The following HNRNPL variants were observed in gnomAD, a reference collection of about 807,000 sequenced individuals.
HNRNPL encodes epididymis secretory sperm binding protein.
Under a neutral mutation model 64.0 loss-of-function variants are expected in HNRNPL, and 12 were observed. The observed-to-expected ratio is 0.19, with a 90% CI of 0.12 to 0.30. HNRNPL has a LOEUF of 0.30. Among genes scored for constraint, HNRNPL ranks in the 10% least tolerant of loss-of-function variants. The pLI, the probability that HNRNPL is intolerant of heterozygous loss-of-function variation, is 1.00. For missense variants in HNRNPL, 484 were observed against 797.4 expected (o/e 0.61, Z 4.73); for synonymous variants, 385 against 313.0 (o/e 1.23, Z -2.43).
intron 6 of HNRNPL, chr19:38,841,771 T>C (rs928607686): frequency 3.8e-6 from 2 of 532,274 alleles, no homozygotes; most frequent in African/African-American, 2.0e-5. Flanking sequence ...AAGTCAATAT[T>C]TTGATTAAAT....
At chr19:38,842,740 GT>G (rs1018264311) in intron 6 of HNRNPL, among the ~76,000 whole-genome samples, 3 of 150,694 alleles carry the variant, frequency 2.0e-5, no homozygotes, top group Non-Finnish European at 3.0e-5. Flanking sequence ...ATCAGCCCTC[GT>G]TTTTTTTTGG....
At chr19:38,841,730 C>G (rs373407078) in intron 6 of HNRNPL, 35 of 786,830 alleles carry the variant, frequency 4.4e-5, no homozygotes, top group Middle Eastern at 2.7e-4. Context: ...CGGTACACAT[C>G]CGCTACAATT....
At chr19:38,850,883 A>G (rs189242564), upstream of HNRNPL, among the ~76,000 whole-genome samples, 6 of 152,292 alleles carry the variant, frequency 3.9e-5, no homozygotes, top group Admixed American at 6.5e-5. Flanking sequence ...CCCTTGGGAG[A>G]AGGCTCTTCC....
intron 12 of HNRNPL, chr19:38,837,162 C>T: frequency 1.7e-6 from 1 of 587,546 alleles, no homozygotes; most frequent in Non-Finnish European, 3.0e-6. Flanking sequence ...CAAGCCTGAG[C>T]AACTCCCAAG....
In HNRNPL at chr19:38,844,120, G is replaced by C. The variant is rs747855653; in HGVS notation, c.711-16C>G. The C allele has an allele frequency of 4.5e-6, 7 of 1,563,472 alleles. No individual in the cohort carries two copies. Among genetic ancestry groups the C allele is most frequent in the Non-Finnish European group, 6.2e-6 (7 of 1,133,854 alleles). ...TGAGTCAAATGTGAGTCAAGTTAAG[G>C]AAAGTCCCATCACAGGAGATCTTTG... On this transcript the variant is annotated splice_polypyrimidine_tract_variant and intron_variant, in intron 4 of 12. Coordinates refer to ENST00000221419, the MANE Select transcript of HNRNPL (RefSeq NM_001533.3).
intron 6 of HNRNPL, among the ~76,000 whole-genome samples, chr19:38,843,146 C>T (rs1429465975): frequency 1.3e-5 from 2 of 152,010 alleles, no homozygotes; most frequent in East Asian, 1.9e-4. Context: ...CCTGGTCCGA[C>T]GTATCAGACC....
Position 38,849,703 on chromosome 19 carries a change from A to ACCGCCG in HNRNPL, c.258_263dup (p.Gly88_Gly89dup). On this transcript the variant is annotated inframe_insertion, in exon 1 of 13. Coordinates refer to ENST00000221419, the MANE Select transcript of HNRNPL (RefSeq NM_001533.3). ...GCGCCTAGGGCCCTGGCCTCACCCC[A>ACCGCCG]CCGCCGCCGCCGCCCGCCGCCCCGG... The ACCGCCG allele has an allele frequency of 7.4e-7, 1 of 1,356,696 alleles. No homozygotes were observed. The highest frequency in any genetic ancestry group is 9.4e-7 in the Non-Finnish European group (1 of 1,064,656). 84.0% of individuals were successfully genotyped at this position (1,356,696 alleles called of 1,614,324 possible).
intron 1 of HNRNPL, chr19:38,847,770 G>A (rs1972350015): frequency 1.1e-5 from 2 of 173,942 alleles, no homozygotes; most frequent in Admixed American, 1.3e-4. Flanking sequence ...AAGGAAACAT[G>A]GGAAAAGAGT....
chr19:38,848,062 G>A (rs1362418693), intron 1 of HNRNPL, among the ~76,000 whole-genome samples: 2 of 152,014 alleles, frequency 1.3e-5, no homozygotes, highest in African/African-American at 4.8e-5. Context: ...TACTGCCTAG[G>A]TCAGACTAAG....
intron 6 of HNRNPL, chr19:38,841,762 A>G: frequency 3.4e-6 from 2 of 581,354 alleles, no homozygotes; most frequent in Non-Finnish European, 5.8e-6. Flanking sequence ...TTGTTTTAAA[A>G]GTCAATATTT....
chr19:38,843,557 G>A (rs975542305), intron 6 of HNRNPL: 23 of 432,280 alleles, frequency 5.3e-5, no homozygotes, highest in Non-Finnish European at 7.9e-5. Context: ...TTCTAAGGCC[G>A]CCCCCACGCC....
chr19:38,847,274 G>C lies in HNRNPL; in HGVS notation c.386+42C>G, dbSNP rs188709432. ...CGTGGACACACAAGGACACCCAGGA[G>C]TCAACTTTGGAAGCCCAACACCTGG... On this transcript the variant is annotated intron_variant, in intron 2 of 12. Transcript: ENST00000221419. 2.0e-4 allele frequency: 205 copies of C among 1,023,620 alleles called. No individual in the cohort carries two copies. The African/African-American group carries it at 3.2e-3, about 16-fold the overall frequency. The allele number at this position is 1,023,620 out of a possible 1,614,324, so 63.4% of individuals were successfully genotyped here. A position where few individuals can be genotyped will look rare whatever the true frequency, so the allele number is the denominator to read the frequency against.
At chr19:38,846,805 G>A (rs1972311716) in intron 2 of HNRNPL, among the ~76,000 whole-genome samples, 1 of 152,204 alleles carries the variant, frequency 6.6e-6, no homozygotes, top group Non-Finnish European at 1.5e-5. Context: ...CTACTCGGGA[G>A]GCTGAGGCAG....
chr19:38,848,372 C>G (rs548339763), intron 1 of HNRNPL, among the ~76,000 whole-genome samples: 1 of 152,350 alleles, frequency 6.6e-6, no homozygotes, highest in East Asian at 1.9e-4. Flanking sequence ...GGATTATAGG[C>G]ATGAGCCCCC....
chr19:38,837,507 A>G, intron 11 of HNRNPL, 28 bp from the exon 12 acceptor site: 1 of 1,613,398 alleles, frequency 6.2e-7, no homozygotes, highest in Non-Finnish European at 8.5e-7. Context: ...GGAAAAGTAA[A>G]GGTTTTAGAC....
At chr19:38,844,544 G>A (rs547072361) in intron 4 of HNRNPL, among the ~76,000 whole-genome samples, 2 of 151,988 alleles carry the variant, frequency 1.3e-5, no homozygotes, top group East Asian at 3.9e-4. Flanking sequence ...TTCCAAACCC[G>A]TCTGCTTGCC....
In HNRNPL at chr19:38,849,868, C is replaced by T; in HGVS notation, c.99G>A (p.Val33=). 1.6e-6 allele frequency: 2 copies of T among 1,230,980 alleles called. No homozygotes were observed. Among genetic ancestry groups the T allele is most frequent in the Non-Finnish European group, 2.3e-6 (2 of 870,782 alleles). The allele number at this position is 1,230,980 out of a possible 1,614,324, so 76.3% of individuals were successfully genotyped here. The part of the protein sequence containing the change: ...DEQRRRSGAM[V]KMAAAGGGGG... ...CTCCGCCGCCCGCCGCCGCCATCTT[C>T]ACCATCGCTCCCGACCGCCTCCGCT... The change falls in exon 1 of 13, where the codon GTG becomes GTA. Residue 33 remains valine, a synonymous_variant. Coordinates refer to ENST00000221419, the MANE Select transcript of HNRNPL (RefSeq NM_001533.3).
At chr19:38,840,015 G>C in intron 8 of HNRNPL, 81 bp downstream of exon 8, 6 of 1,384,720 alleles carry the variant, frequency 4.3e-6, no homozygotes, top group Non-Finnish European at 5.1e-6. Context: ...GCCACACCAG[G>C]CTCCCCCCTG....
chr19:38,838,389 G>A lies in HNRNPL; in HGVS notation c.1557+8C>T, dbSNP rs1420202131. On this transcript the variant is annotated splice_region_variant and intron_variant, in intron 10 of 12. Transcript: ENST00000221419. ...ACCCGACTGCCTGCGCAGCTCCACG[G>A]CACACACCTCAAAGAAGTTCTCCTC... The A allele has an allele frequency of 1.2e-6, 2 of 1,604,096 alleles. No homozygotes were observed. Among genetic ancestry groups the A allele is most frequent in the South Asian group, 2.2e-5 (2 of 90,866 alleles).
Sources: gnomAD v4.1 joint callset for allele counts (sites outside exome capture counted in the v4.1 genomes callset) on GRCh38, gnomAD v4.1.1 for gene constraint, MANE v1.5 for transcripts, NCBI Gene and HGNC (gene_info 2026-07-23, HGNC 2026-07-21) for gene names.